The following PPFIA2 variants were observed in gnomAD, a reference collection of about 807,000 sequenced individuals.
PPFIA2 encodes the protein liprin-alpha-2.
A neutral mutation model predicts 175.5 loss-of-function variants in PPFIA2; 46 were observed. That is an observed-to-expected ratio of 0.26 (90% CI 0.21 to 0.34). PPFIA2 has a LOEUF of 0.34. Ranked by LOEUF, PPFIA2 falls within the 10% of genes least tolerant of loss-of-function variation. PPFIA2 has a pLI of 1.00. For missense variants in PPFIA2, 1,179 were observed against 1,506.1 expected (o/e 0.78, Z 3.60); for synonymous variants, 568 against 511.4 (o/e 1.11, Z -1.49).
intron 3 of PPFIA2, among the ~76,000 whole-genome samples, chr12:81,702,756 T>C (rs1440955463): frequency 2.6e-5 from 4 of 152,154 alleles, no homozygotes; most frequent in Admixed American, 2.0e-4. Context: ...AATGCGATCA[T>C]ATTAGAAGAC....
At chr12:81,512,648 T>C (rs2061938414) in intron 4 of PPFIA2, among the ~76,000 whole-genome samples, 1 of 152,010 alleles carries the variant, frequency 6.6e-6, no homozygotes, top group East Asian at 1.9e-4. Context: ...TCGAGCAATA[T>C]ACTGTATACT....
chr12:81,338,162 T>A (rs1000138352), intron 21 of PPFIA2, among the ~76,000 whole-genome samples: 2 of 152,116 alleles, frequency 1.3e-5, no homozygotes, highest in African/African-American at 4.8e-5. Context: ...GGCAGAAAAC[T>A]AAGTCCTGGA....
chr12:81,648,141 C>G (rs1234940747), intron 4 of PPFIA2, among the ~76,000 whole-genome samples: 1 of 151,096 alleles, frequency 6.6e-6, no homozygotes, highest in African/African-American at 2.4e-5. Flanking sequence ...TCAATGTATA[C>G]AATTCACTGG....
chr12:81,386,302 A>AATAC (rs1252271682), intron 8 of PPFIA2, among the ~76,000 whole-genome samples: 27 of 149,946 alleles, frequency 1.8e-4, no homozygotes, highest in South Asian at 1.7e-3. Flanking sequence ...TAAATAAATA[A>AATAC]ATAAATAAAT....
At chr12:81,523,014 A>G (rs2063329374) in intron 4 of PPFIA2, among the ~76,000 whole-genome samples, 1 of 152,180 alleles carries the variant, frequency 6.6e-6, no homozygotes, top group Non-Finnish European at 1.5e-5. Flanking sequence ...TGCTCAAAGG[A>G]TCAACACTCA....
intron 4 of PPFIA2, among the ~76,000 whole-genome samples, chr12:81,666,831 G>A (rs950254767): frequency 6.6e-6 from 1 of 152,072 alleles, no homozygotes; most frequent in Non-Finnish European, 1.5e-5. Flanking sequence ...GTTACAAACA[G>A]CTATCAAGAG....
chr12:81,605,273 T>G (rs1411934068), intron 4 of PPFIA2, among the ~76,000 whole-genome samples: 1 of 151,746 alleles, frequency 6.6e-6, no homozygotes, highest in Non-Finnish European at 1.5e-5. Context: ...GGCTGCTTAT[T>G]TTATGTTAAT....
In PPFIA2 at chr12:81,754,014, G is replaced by C; in HGVS notation, c.208C>G (p.Arg70Gly). The C allele has an allele frequency of 6.2e-7, 1 of 1,613,748 alleles. No individual in the cohort carries two copies. Among genetic ancestry groups the C allele is most frequent in the Non-Finnish European group, 8.5e-7 (1 of 1,179,840 alleles). ...TTGAGCTGTCTCTGGAGTGAGTCTC[G>C]GTCATAGATGACATCCTGAAGTCTT... is the stretch of plus-strand genomic sequence containing the variant. ...QQRLQDVIYD[R>G]DSLQRQLNSA... Residue 70 changes from arginine to glycine, a missense_variant, in exon 3 of 33, where the codon CGA (arginine) becomes GGA (glycine). Physicochemically the swap from Arg to Gly is moderately radical, Grantham distance 125. This residue lies in a region of PPFIA2 where 128 missense variants were observed against 141.4 expected (regional missense o/e 0.91). Coordinates refer to ENST00000549396, the MANE Select transcript of PPFIA2 (RefSeq NM_003625.5).
intron 4 of PPFIA2, among the ~76,000 whole-genome samples, chr12:81,533,731 C>T (rs1000956585): frequency 1.3e-5 from 1 of 76,926 alleles, no homozygotes; most frequent in Admixed American, 1.3e-4. Context: ...ATCTATCTAT[C>T]TATCTATATA....
rs71098145 is a variant in PPFIA2 at position 81,462,585 on chromosome 12, C to CATATATAT, written c.304-4727_304-4720dup. The stretch of plus-strand genomic sequence containing the variant: ...ATATATATGTGTATATATATATATA[C>CATATATAT]ATATATATATATATATATATATAAT... On this transcript the variant is annotated intron_variant, in intron 4 of 32. Coordinates refer to ENST00000549396, the MANE Select transcript of PPFIA2 (RefSeq NM_003625.5). Among the ~76,000 whole-genome samples the CATATATAT allele has an allele frequency of 5.0e-3, 628 of 124,628 alleles. 2 individuals are homozygous for CATATATAT. Among genetic ancestry groups the CATATATAT allele is most frequent in the Middle Eastern group, 9.1e-3 (2 of 220 alleles). 81.8% of individuals were successfully genotyped at this position (124,628 alleles called of 152,430 possible).
chr12:81,392,641 A>AT (rs2040356594), intron 8 of PPFIA2, among the ~76,000 whole-genome samples: 3 of 151,930 alleles, frequency 2.0e-5, no homozygotes, highest in Admixed American at 2.0e-4. Context: ...TATTCCTAAA[A>AT]TTTTTATCTC....
intron 8 of PPFIA2, among the ~76,000 whole-genome samples, chr12:81,389,757 C>A (rs115282396): frequency 0.093 from 14,121 of 152,010 alleles, 853 homozygotes; most frequent in Middle Eastern, 0.16. Context: ...TGACAAATGG[C>A]TGTATTAAAA....
chr12:81,519,900 G>A (rs2062908650), intron 4 of PPFIA2, among the ~76,000 whole-genome samples: 1 of 152,174 alleles, frequency 6.6e-6, no homozygotes, highest in Non-Finnish European at 1.5e-5. Context: ...ATATGTACAT[G>A]TAATAAAGTT....
At chr12:81,738,840 G>A (rs913760996) in intron 3 of PPFIA2, among the ~76,000 whole-genome samples, 1 of 151,750 alleles carries the variant, frequency 6.6e-6, no homozygotes, top group Non-Finnish European at 1.5e-5. Flanking sequence ...TTATTTGTGG[G>A]AAACATATAT....
chr12:81,409,694 G>C (rs931556254), intron 7 of PPFIA2, among the ~76,000 whole-genome samples: 1 of 152,062 alleles, frequency 6.6e-6, no homozygotes, highest in African/African-American at 2.4e-5. Flanking sequence ...ACACAAAACA[G>C]ACTAAGACAC....
At chr12:81,436,991 G>A (rs1407970947) in intron 7 of PPFIA2, among the ~76,000 whole-genome samples, 1 of 152,104 alleles carries the variant, frequency 6.6e-6, no homozygotes, top group African/African-American at 2.4e-5. Context: ...CAAAACAAAT[G>A]GCATTCAGAA....
intron 3 of PPFIA2, among the ~76,000 whole-genome samples, chr12:81,719,010 T>A (rs955915150): frequency 2.0e-5 from 3 of 151,668 alleles, no homozygotes; most frequent in African/African-American, 7.3e-5. Flanking sequence ...CCAAATCCAA[T>A]GCAAAATATT....
intron 3 of PPFIA2, among the ~76,000 whole-genome samples, chr12:81,716,980 G>T (rs555806481): frequency 6.6e-6 from 1 of 151,700 alleles, no homozygotes; most frequent in South Asian, 2.1e-4. Context: ...GGCATCATAG[G>T]CCTTGTTGAA....
chr12:81,533,712 T>C (rs1223752520), intron 4 of PPFIA2, among the ~76,000 whole-genome samples: 1 of 131,710 alleles, frequency 7.6e-6, no homozygotes, highest in Non-Finnish European at 1.6e-5. Flanking sequence ...TCTATCTATC[T>C]ATCTATCTAT....
Sources: allele counts gnomAD v4.1 joint callset (sites outside exome capture counted in the v4.1 genomes callset), GRCh38; gene constraint gnomAD v4.1.1; regional missense constraint gnomAD v4.1.1; transcripts MANE v1.5; gene names NCBI Gene and HGNC (gene_info 2026-07-23, HGNC 2026-07-21).